EYS: variants seen among roughly 807,000 people sequenced by gnomAD.
EYS encodes protein eyes shut homolog.
In EYS, 250 loss-of-function variants were observed where a neutral mutation model predicts 282.1. That is an observed-to-expected ratio of 0.89 (90% CI 0.80 to 0.98). EYS has a LOEUF of 0.98. Ranked by LOEUF, EYS falls within the 50% of genes least tolerant of loss-of-function variation. The probability of loss-of-function intolerance (pLI) is 0.00; values close to 1 mark genes in which losing one functional copy is unlikely to be tolerated. For synonymous variants in EYS, 1,355 were observed against 1,282.9 expected (o/e 1.06, Z -1.20); for missense variants, 4,016 against 3,709.0 (o/e 1.08, Z -2.15).
chr6:64,521,032 G>A (rs78747625), intron 26 of EYS, among the ~76,000 whole-genome samples: 1,614 of 151,820 alleles, frequency 0.011, 34 homozygotes, highest in East Asian at 0.083. Flanking sequence ...CCAGCAATGC[G>A]GACAGGCAAT....
intron 30 of EYS, among the ~76,000 whole-genome samples, chr6:64,257,732 A>G (rs1166313488): frequency 6.6e-6 from 1 of 151,946 alleles, no homozygotes; most frequent in African/African-American, 2.4e-5. Flanking sequence ...AGTATCCAGG[A>G]ATGCTCACAC....
chr6:63,890,630 A>G (rs969560868), intron 35 of EYS, among the ~76,000 whole-genome samples: 2 of 152,244 alleles, frequency 1.3e-5, no homozygotes, highest in Non-Finnish European at 2.9e-5. Context: ...CTAAATGCCC[A>G]CAGGAGAAAG....
intron 31 of EYS, among the ~76,000 whole-genome samples, chr6:64,093,234 T>C (rs1372872648): frequency 6.6e-6 from 1 of 152,046 alleles, no homozygotes; most frequent in Admixed American, 6.6e-5. Context: ...CTTGACAATG[T>C]GGGCTCTTTT....
At chr6:64,110,724 G>A (rs982772063) in intron 31 of EYS, among the ~76,000 whole-genome samples, 1 of 151,952 alleles carries the variant, frequency 6.6e-6, no homozygotes, top group African/African-American at 2.4e-5. Context: ...AAGAAAATGA[G>A]GTTTGATATT....
intron 2 of EYS, among the ~76,000 whole-genome samples, chr6:65,534,699 C>G (rs549602293): frequency 6.6e-6 from 1 of 152,112 alleles, no homozygotes; most frequent in African/African-American, 2.4e-5. Context: ...TACAGCTTCT[C>G]CATGGCAACA....
At chr6:65,615,869 G>A (rs1766177570) in intron 2 of EYS, among the ~76,000 whole-genome samples, 1 of 151,958 alleles carries the variant, frequency 6.6e-6, no homozygotes, top group Admixed American at 6.6e-5. Context: ...AGGAGGCGGA[G>A]CATGCAGTGA....
At chr6:63,925,538 TTTTAC>T (rs1764691058) in intron 35 of EYS, among the ~76,000 whole-genome samples, 1 of 152,204 alleles carries the variant, frequency 6.6e-6, no homozygotes, top group Non-Finnish European at 1.5e-5. Flanking sequence ...TTGTTGTTGA[TTTTAC>T]TTTAAGTTCC....
intron 12 of EYS, among the ~76,000 whole-genome samples, chr6:65,267,992 T>C (rs947437663): frequency 5.3e-5 from 8 of 151,426 alleles, no homozygotes; most frequent in African/African-American, 1.9e-4. Context: ...CAAAAGCATA[T>C]AAAGAAAACA....
intron 15 of EYS, among the ~76,000 whole-genome samples, chr6:64,926,118 C>T (rs562872074): frequency 6.6e-6 from 1 of 152,178 alleles, no homozygotes; most frequent in Non-Finnish European, 1.5e-5. Flanking sequence ...TCCTAGTTTG[C>T]CTTCAGGCAG....
At chr6:64,631,700 C>T (rs944807371) in intron 22 of EYS, 7 of 152,090 alleles carry the variant, frequency 4.6e-5, no homozygotes, top group African/African-American at 7.2e-5. Context: ...AATTATGAGG[C>T]ACATAACAAA....
chr6:64,070,898 C>T (rs1771548956), intron 32 of EYS, among the ~76,000 whole-genome samples: 2 of 152,066 alleles, frequency 1.3e-5, no homozygotes, highest in African/African-American at 4.8e-5. Flanking sequence ...GACTTTTACA[C>T]CATGAGCGAA....
intron 26 of EYS, among the ~76,000 whole-genome samples, chr6:64,468,356 T>C (rs1331691467): frequency 6.6e-6 from 1 of 152,218 alleles, no homozygotes; most frequent in Non-Finnish European, 1.5e-5. Flanking sequence ...AAATACATTT[T>C]TGGGAAATGT....
intron 33 of EYS, among the ~76,000 whole-genome samples, chr6:64,004,486 T>C (rs1433489258): frequency 6.6e-6 from 1 of 152,078 alleles, no homozygotes; most frequent in Non-Finnish European, 1.5e-5. Context: ...TATTTTAGGT[T>C]CAGGGGTACC....
chr6:64,961,990 C>A (rs1332996328), intron 14 of EYS, among the ~76,000 whole-genome samples: 1 of 152,158 alleles, frequency 6.6e-6, no homozygotes, highest in African/African-American at 2.4e-5. Flanking sequence ...TTCTTCAACT[C>A]TAGTGAAGTC....
intron 2 of EYS, among the ~76,000 whole-genome samples, chr6:65,558,925 T>C (rs1768924394): frequency 6.6e-6 from 1 of 152,192 alleles, no homozygotes; most frequent in South Asian, 2.1e-4. Context: ...TTTGATGAAA[T>C]GGAAGATTTT....
At chr6:64,452,118 C>G (rs552958191) in intron 26 of EYS, among the ~76,000 whole-genome samples, 12 of 152,268 alleles carry the variant, frequency 7.9e-5, no homozygotes, top group African/African-American at 2.6e-4. Context: ...CCCCTCGTCT[C>G]AGCCCAAAAT....
chr6:64,775,271 G>A (rs1383633488), intron 22 of EYS, among the ~76,000 whole-genome samples: 1 of 151,940 alleles, frequency 6.6e-6, no homozygotes, highest in East Asian at 1.9e-4. Flanking sequence ...ATCCTTGCAA[G>A]GCCACATCCA....
chr6:63,724,412 CTTATTT>C (rs999718584), intron 42 of EYS, among the ~76,000 whole-genome samples: 1 of 151,970 alleles, frequency 6.6e-6, no homozygotes, highest in African/African-American at 2.4e-5. Flanking sequence ...GTAATTTAAA[CTTATTT>C]ATATATTTTT....
Position 64,015,599 on chromosome 6 carries a change from T to C in EYS, c.6726-16416A>G, listed in dbSNP as rs146888575. Among the ~76,000 whole-genome samples the C allele has an allele frequency of 2.6e-3, 390 of 152,326 alleles. 1 individual carries two copies. Among genetic ancestry groups the C allele is most frequent in the African/African-American group, 8.1e-3 (338 of 41,574 alleles). ...TAAAATACAAATGAAAATAGATCTA[T>C]TGATTCAACAGACAAATGATCGAAT... On this transcript the variant is annotated intron_variant, in intron 33 of 42. Coordinates refer to ENST00000503581, the MANE Select transcript of EYS (RefSeq NM_001142800.2).
Sources: gnomAD v4.1 joint callset for allele counts (sites outside exome capture counted in the v4.1 genomes callset) on GRCh38, gnomAD v4.1.1 for gene constraint, MANE v1.5 for transcripts, NCBI Gene and HGNC (gene_info 2026-07-23, HGNC 2026-07-21) for gene names.